Variants in EGF observed in about 807,000 individuals in gnomAD.
EGF encodes pro-epidermal growth factor.
EGF carries 95 observed loss-of-function variants against 143.8 expected under a neutral mutation model. The observed-to-expected ratio is 0.66, with a 90% CI of 0.56 to 0.78. The LOEUF (loss-of-function observed/expected upper bound fraction) is 0.78. Ranked by LOEUF, EGF falls within the 30% of genes least tolerant of loss-of-function variation. The pLI is 0.00. For missense variants in EGF, 1,320 were observed against 1,470.9 expected (o/e 0.90, Z 1.68); for synonymous variants, 510 against 510.5 (o/e 1.00, Z 0.01).
At chr4:110,004,312 G>A (rs990161737) in intron 21 of EGF, 193 bp from the exon 22 acceptor site, 25 of 670,944 alleles carry the variant, frequency 3.7e-5, no homozygotes, top group Non-Finnish European at 6.5e-5. Context: ...TGTCTGGAAA[G>A]CATTTTGAGT....
At chr4:109,945,372 T>G in intron 5 of EGF, 97 bp downstream of exon 5, 1 of 1,222,474 alleles carries the variant, frequency 8.2e-7, no homozygotes, top group Non-Finnish European at 1.2e-6. Context: ...GAAAAAAAAT[T>G]TTTTTCTTCA....
chr4:109,988,581 C>T lies in EGF; in HGVS notation c.2609-3C>T. 1 of 1,613,982 alleles carries T rather than the reference C, an allele frequency of 6.2e-7. No individual in the cohort carries two copies. Among genetic ancestry groups the T allele is most frequent in the Non-Finnish European group, 8.5e-7 (1 of 1,179,860 alleles). On this transcript the variant is annotated splice_region_variant and splice_polypyrimidine_tract_variant and intron_variant, in intron 17 of 23. Coordinates refer to ENST00000265171, the MANE Select transcript of EGF (RefSeq NM_001963.6). ...TTGCACTAGTTCATAATTTTGCCCA[C>T]AGATATAGATGAATGTGAGATGGGT... is the stretch of plus-strand genomic sequence containing the variant.
chr4:109,973,926 G>C (rs1473739958), intron 11 of EGF, among the ~76,000 whole-genome samples: 2 of 152,134 alleles, frequency 1.3e-5, no homozygotes, highest in African/African-American at 2.4e-5. Flanking sequence ...CATTGGCCCT[G>C]TTTATCTACA....
chr4:109,914,018 T>A (rs1263514004), intron 1 of EGF, among the ~76,000 whole-genome samples: 2 of 152,174 alleles, frequency 1.3e-5, no homozygotes, highest in Non-Finnish European at 2.9e-5. Context: ...CTGACACAAC[T>A]CCGGAGTTTT....
Position 109,912,990 on chromosome 4 carries a change from C to A in EGF, c.-346C>A. ...TCCATCAGTTCTTCCTTTCTTTTTC[C>A]TCTCTAAGCCTTTGCCTTGCTCTGT... On this transcript the variant is annotated 5_prime_UTR_variant, in exon 1 of 24. Coordinates refer to ENST00000265171, the MANE Select transcript of EGF (RefSeq NM_001963.6). The A allele has an allele frequency of 4.0e-6, 1 of 252,996 alleles. No individual in the cohort carries two copies. The highest frequency in any genetic ancestry group is 5.3e-5 in the South Asian group (1 of 19,000). 15.7% of individuals were successfully genotyped at this position (252,996 alleles called of 1,614,324 possible). A position where few individuals can be genotyped will look rare whatever the true frequency, so the allele number is the denominator to read the frequency against.
chr4:109,968,702 A>ACC lies in EGF; in HGVS notation c.1576-269_1576-268insCC, dbSNP rs1560708106. On this transcript the variant is annotated intron_variant, in intron 10 of 23. Coordinates refer to ENST00000265171, the MANE Select transcript of EGF (RefSeq NM_001963.6). ...TATCTATCTATCTATCTATCTATCT[A>ACC]TCTATCTACCTACCTACCTACCTAC... The ACC allele has an allele frequency of 3.8e-3, 1,647 of 432,058 alleles. 51 individuals are homozygous for ACC. In the East Asian group the frequency reaches 0.069, roughly 18 times the overall value. The allele number at this position is 432,058 out of a possible 1,614,324, so 26.8% of individuals were successfully genotyped here.
In EGF at chr4:109,924,509, G is replaced by A. The variant is rs537263601; in HGVS notation, c.127+11047G>A. Among the ~76,000 whole-genome samples, 8 of 147,070 alleles carry A rather than the reference G, an allele frequency of 5.4e-5. No homozygotes were observed. The South Asian group carries it at 1.7e-3, about 31-fold the overall frequency. ...AGTATTTATTGGATGCTAGGTGCTT[G>A]GGCTGACAGTGGAGACATCACTGAT... On this transcript the variant is annotated intron_variant, in intron 1 of 23. Coordinates refer to ENST00000265171, the MANE Select transcript of EGF (RefSeq NM_001963.6).
At position 109,974,744 on chromosome 4, in the gene EGF, C is replaced by A; in HGVS notation, c.1766C>A (p.Ser589Tyr). The A allele has an allele frequency of 6.2e-7, 1 of 1,613,480 alleles. No individual in the cohort carries two copies. Among genetic ancestry groups the A allele is most frequent in the South Asian group, 1.1e-5 (1 of 91,060 alleles). The change falls in exon 12 of 24, where the codon TCC (serine) becomes TAC (tyrosine). Residue 589 changes from serine (S) to tyrosine (Y), a missense_variant. Around this residue, in one of 5 missense-constraint regions of EGF, gnomAD observed 1,186 missense variants for 1,313.7 expected, o/e 0.90. Coordinates refer to ENST00000265171, the MANE Select transcript of EGF (RefSeq NM_001963.6). ...IGRSDLNGKR[S>Y]KIITKENISQ... ...AGGAGTGATTTAAATGGGAAACGTTCCAAAATAATCACTAAGGAGAACATC... is the reference window on the plus strand; with the variant it reads ...AGGAGTGATTTAAATGGGAAACGTTACAAAATAATCACTAAGGAGAACATC...
Position 110,011,562 on chromosome 4 carries a change from C to A in EGF, c.*107C>A. 6.5e-7 allele frequency: 1 copy of A among 1,538,806 alleles called. No homozygotes were observed. Among genetic ancestry groups the A allele is most frequent in the Non-Finnish European group, 8.9e-7 (1 of 1,125,446 alleles). On this transcript the variant is annotated 3_prime_UTR_variant, in exon 24 of 24. Coordinates refer to ENST00000265171, the MANE Select transcript of EGF (RefSeq NM_001963.6). ...ATAGGTTTTGGTTCCACAATCTCTA[C>A]GACTAATCACCTACTCAATGCCTGG...
At position 109,963,290 on chromosome 4, in the gene EGF, C is replaced by G; in HGVS notation, c.1430C>G (p.Ala477Gly). The G allele has an allele frequency of 1.2e-6, 2 of 1,613,764 alleles. No homozygotes were observed. The highest frequency in any genetic ancestry group is 1.1e-5 in the South Asian group (1 of 91,072). Residue 477 changes from alanine to glycine, a missense_variant, in exon 9 of 24, where the codon GCA (alanine) becomes GGA (glycine). Ala to Gly is a moderately conservative substitution (Grantham distance 60). Transcript: ENST00000265171. Reference protein sequence around the residue: ...YDLQLDEKSCAASGPQPFLLF... With the variant: ...YDLQLDEKSCGASGPQPFLLF... ...CTACAACTGGATGAAAAAAGCTGTG[C>G]AGCTTCAGGTTAGTGCTGTGGTTGT...
chr4:109,955,901 TG>T, intron 5 of EGF, among the ~76,000 whole-genome samples: 1 of 152,132 alleles, frequency 6.6e-6, no homozygotes, highest in Non-Finnish European at 1.5e-5. Context: ...GTGGTGACAA[TG>T]GGGATGATCA....
chr4:110,008,088 T>A lies in EGF; in HGVS notation c.3292-64T>A. On this transcript the variant is annotated intron_variant, in intron 22 of 23. Coordinates refer to ENST00000265171, the MANE Select transcript of EGF (RefSeq NM_001963.6). ...CGTAAAGCCATAGACTTTGATTCAA[T>A]GTACGTTGAGATAATTTGTGAATTT... 9 of 1,422,458 alleles carry A rather than the reference T, an allele frequency of 6.3e-6. 1 individual carries two copies. The South Asian group carries it at 1.0e-4, about 16-fold the overall frequency. 88.1% of individuals were successfully genotyped at this position (1,422,458 alleles called of 1,614,324 possible).
At chr4:109,935,675 A>T (rs1422322182) in intron 1 of EGF, among the ~76,000 whole-genome samples, 6 of 152,126 alleles carry the variant, frequency 3.9e-5, no homozygotes, top group Non-Finnish European at 8.8e-5. Flanking sequence ...ATTCAGTATG[A>T]TATTGATTGT....
chr4:109,945,241 A>G lies in EGF; in HGVS notation c.906A>G (p.Ala302=), dbSNP rs1216469044. 2.5e-6 allele frequency: 4 copies of G among 1,614,038 alleles called. No homozygotes were observed. Among genetic ancestry groups the G allele is most frequent in the Middle Eastern group, 1.6e-4 (1 of 6,070 alleles). The change falls in exon 5 of 24, where the codon GCA becomes GCG. Residue 302 remains alanine, a synonymous_variant. Transcript: ENST00000265171. ...LGELKVVHPL[A]QPKAEDDTWE... ...AACTGAAAGTAGTGCATCCACTTGC[A>G]CAACCCAAGGCAGAAGATGACACTT...
intron 11 of EGF, among the ~76,000 whole-genome samples, chr4:109,969,997 G>T (rs1184668890): frequency 1.3e-5 from 2 of 152,162 alleles, no homozygotes; most frequent in Non-Finnish European, 1.5e-5. Context: ...GTTAAAACAA[G>T]CATGAAGGAG....
intron 9 of EGF, among the ~76,000 whole-genome samples, chr4:109,963,574 T>C (rs377308920): frequency 1.7e-4 from 26 of 152,174 alleles, no homozygotes; most frequent in East Asian, 1.2e-3. Flanking sequence ...ACAAGAATAG[T>C]CTTAAAACAC....
intron 21 of EGF, chr4:110,004,267 C>G: frequency 1.8e-6 from 1 of 547,822 alleles, no homozygotes; most frequent in South Asian, 1.9e-5. Flanking sequence ...CACACACACC[C>G]TCTACCTCAC....
At position 110,012,162 on chromosome 4, in the gene EGF, T is replaced by C. The variant is rs1447449069; in HGVS notation, c.*707T>C. The C allele has an allele frequency of 4.6e-5, 7 of 152,266 alleles. No homozygotes were observed. The highest frequency in any genetic ancestry group is 3.8e-4 in the East Asian group (2 of 5,204). The allele number at this position is 152,266 out of a possible 1,614,324, so 9.4% of individuals were successfully genotyped here. ...TTGGTGTGATTGCACAGAATTTGTA[T>C]GTATTTTCAGTTACAAGATTGTAAG... is the stretch of plus-strand genomic sequence containing the variant. On this transcript the variant is annotated 3_prime_UTR_variant, in exon 24 of 24. Coordinates refer to ENST00000265171, the MANE Select transcript of EGF (RefSeq NM_001963.6).
chr4:110,003,761 A>T (rs1752882055), intron 21 of EGF, among the ~76,000 whole-genome samples: 1 of 150,878 alleles, frequency 6.6e-6, no homozygotes, highest in South Asian at 2.1e-4. Flanking sequence ...ACAAGACAGT[A>T]CTCTAAAAAA....
Sources: gnomAD v4.1 joint callset for allele counts (sites outside exome capture counted in the v4.1 genomes callset) on GRCh38, gnomAD v4.1.1 for gene constraint, gnomAD v4.1.1 regional missense constraint, MANE v1.5 for transcripts, NCBI Gene and HGNC (gene_info 2026-07-23, HGNC 2026-07-21) for gene names.